The following LRRIQ1 variants were observed in gnomAD, a reference collection of about 807,000 sequenced individuals.
The protein encoded by LRRIQ1 is leucine-rich repeat- and IQ domain-containing protein 1.
Under a neutral mutation model 211.9 loss-of-function variants are expected in LRRIQ1, and 210 were observed. The ratio of observed to expected loss-of-function variants is 0.99; its 90% confidence interval spans 0.89 to 1.11. The LOEUF is 1.11. Among genes scored for constraint, LRRIQ1 ranks in the 50% most tolerant of loss-of-function variants. LRRIQ1 has a pLI of 0.00. For synonymous variants in LRRIQ1, 699 were observed against 650.1 expected (o/e 1.08, Z -1.14); for missense variants, 2,136 against 1,939.5 (o/e 1.10, Z -1.90).
chr12:85,204,139 G>T (rs1893427840), intron 24 of LRRIQ1, among the ~76,000 whole-genome samples: 1 of 152,176 alleles, frequency 6.6e-6, no homozygotes, highest in African/African-American at 2.4e-5. Flanking sequence ...CTCAGGCTGT[G>T]GCTTCAGATG....
chr12:85,239,848 C>A (rs1283365476), intron 26 of LRRIQ1, among the ~76,000 whole-genome samples: 1 of 151,802 alleles, frequency 6.6e-6, no homozygotes, highest in Admixed American at 6.6e-5. Flanking sequence ...CATGGTGGCA[C>A]GTGCCTGTAA....
chr12:85,064,909 A>G (rs972997232), intron 8 of LRRIQ1, among the ~76,000 whole-genome samples: 1 of 151,812 alleles, frequency 6.6e-6, no homozygotes, highest in African/African-American at 2.4e-5. Context: ...TGCCAGTACC[A>G]TGCTGTTTTG....
At chr12:85,198,623 AG>A (rs1279769912) in intron 24 of LRRIQ1, among the ~76,000 whole-genome samples, 2 of 150,684 alleles carry the variant, frequency 1.3e-5, no homozygotes, top group Admixed American at 1.3e-4. Context: ...GCTGGAGTGC[AG>A]TGGTGCTATC....
rs1895288884 is a variant in LRRIQ1 at position 85,238,325 on chromosome 12, G to A, written c.5016+5569G>A. On this transcript the variant is annotated intron_variant, in intron 26 of 26. Transcript: ENST00000393217. ...TTGACTTTCCGGAAGAGAGATTAGA[G>A]ATGAAAAAATATGTGAAAACTAATC... Among the ~76,000 whole-genome samples the A allele has an allele frequency of 2.0e-5, 3 of 151,852 alleles. No homozygotes were observed. The South Asian group carries it at 6.2e-4, about 32-fold the overall frequency.
intron 24 of LRRIQ1, among the ~76,000 whole-genome samples, chr12:85,219,401 C>T (rs1035570776): frequency 6.6e-6 from 1 of 151,888 alleles, no homozygotes; most frequent in African/African-American, 2.4e-5. Flanking sequence ...CTAGTAATTC[C>T]GTAATATCAA....
chr12:85,237,278 C>T (rs1241395056), intron 26 of LRRIQ1, among the ~76,000 whole-genome samples: 1 of 151,938 alleles, frequency 6.6e-6, no homozygotes, highest in Admixed American at 6.6e-5. Flanking sequence ...ACATGAGTTC[C>T]ACAGTCAACT....
rs759000874 is a variant in LRRIQ1 at position 85,106,536 on chromosome 12, A to G, written c.3298A>G (p.Ile1100Val). Residue 1100 changes from isoleucine (I) to valine (V), a missense_variant, in exon 15 of 27, where the codon ATA becomes GTA. Transcript: ENST00000393217. ...HNCLSDLKSAIKWFDACYSLH... is the reference protein window; with the variant it reads ...HNCLSDLKSAVKWFDACYSLH... ...ATTTTCTGTAGATCTTAAAAGTGCCATAAAATGGTTTGATGCATGCTATTC... is the reference window on the plus strand; with the variant it reads ...ATTTTCTGTAGATCTTAAAAGTGCCGTAAAATGGTTTGATGCATGCTATTC... 6.8e-6 allele frequency: 11 copies of G among 1,608,770 alleles called. No individual in the cohort carries two copies. Among genetic ancestry groups the G allele is most frequent in the Non-Finnish European group, 8.5e-6 (10 of 1,176,930 alleles).
At chr12:85,188,050 C>A (rs1719237281) in intron 24 of LRRIQ1, among the ~76,000 whole-genome samples, 1 of 151,782 alleles carries the variant, frequency 6.6e-6, no homozygotes, top group Non-Finnish European at 1.5e-5. Context: ...ACTAGAATGT[C>A]TTTATGCTGT....
chr12:85,056,009 A>G lies in LRRIQ1; in HGVS notation c.1216A>G (p.Asn406Asp). 2 of 1,607,794 alleles carry G rather than the reference A, an allele frequency of 1.2e-6. No homozygotes were observed. Among genetic ancestry groups the G allele is most frequent in the Non-Finnish European group, 8.5e-7 (1 of 1,177,976 alleles). The change falls in exon 8 of 27, where the codon AAT becomes GAT. Residue 406 changes from asparagine to aspartate, a missense_variant. By Grantham distance (23) the Asn-to-Asp change is conservative. Coordinates refer to ENST00000393217, the MANE Select transcript of LRRIQ1 (RefSeq NM_001079910.2). ...ISSALKKSGY[N>D]NKHLSLEDIS... ...TAGTGCATTAAAGAAGAGCGGATAT[A>G]ATAACAAACATTTAAGTCTTGAAGA...
intron 16 of LRRIQ1, 103 bp downstream of exon 16, chr12:85,121,979 A>G: frequency 1.0e-6 from 1 of 995,584 alleles, no homozygotes; most frequent in Non-Finnish European, 1.3e-6. Context: ...TTTTTGGATT[A>G]GAACAGTGTG....
chr12:85,069,336 A>G (rs1463305337), intron 10 of LRRIQ1, among the ~76,000 whole-genome samples: 1 of 152,044 alleles, frequency 6.6e-6, no homozygotes, highest in East Asian at 1.9e-4. Flanking sequence ...AATCCAGTCT[A>G]TCGTTGTTGT....
chr12:85,128,605 C>A (rs1369203950), intron 18 of LRRIQ1, among the ~76,000 whole-genome samples: 3 of 151,970 alleles, frequency 2.0e-5, no homozygotes, highest in Non-Finnish European at 4.4e-5. Flanking sequence ...TCTCAAAAAA[C>A]AACAACAACA....
At chr12:85,153,787 T>TA in intron 22 of LRRIQ1, 29 bp downstream of exon 22, 3 of 1,357,820 alleles carry the variant, frequency 2.2e-6, no homozygotes, top group Non-Finnish European at 3.0e-6. Context: ...ACTAATAAAT[T>TA]AAAAAATTGA....
At chr12:85,112,045 G>A (rs1158106066) in intron 15 of LRRIQ1, among the ~76,000 whole-genome samples, 1 of 151,602 alleles carries the variant, frequency 6.6e-6, no homozygotes, top group Admixed American at 6.6e-5. Context: ...CATTAGATAC[G>A]ACATGTTTGC....
At chr12:85,068,144 C>T (rs964878369) in intron 10 of LRRIQ1, among the ~76,000 whole-genome samples, 1 of 151,792 alleles carries the variant, frequency 6.6e-6, no homozygotes, top group Admixed American at 6.6e-5. Flanking sequence ...AATCGAGTAT[C>T]GCCAAAAAGT....
chr12:85,195,534 T>C (rs1416435412), intron 24 of LRRIQ1, among the ~76,000 whole-genome samples: 4 of 152,088 alleles, frequency 2.6e-5, no homozygotes, highest in Admixed American at 6.6e-5. Flanking sequence ...CCAAATCAAT[T>C]TAATGTAATC....
chr12:85,054,340 C>T (rs557055359), intron 7 of LRRIQ1, among the ~76,000 whole-genome samples: 1 of 152,232 alleles, frequency 6.6e-6, no homozygotes, highest in Non-Finnish European at 1.5e-5. Context: ...GGCAAAAAGA[C>T]ACACCACCTA....
chr12:85,248,165 A>G (rs549957819), downstream of LRRIQ1, among the ~76,000 whole-genome samples: 1 of 151,566 alleles, frequency 6.6e-6, no homozygotes, highest in Non-Finnish European at 1.5e-5. Context: ...TGTTAGAGCA[A>G]TTTATAGCTT....
chr12:85,257,114 A>G (rs1309209098), intron 1 of LRRIQ1, among the ~76,000 whole-genome samples: 1 of 51,266 alleles, frequency 2.0e-5, no homozygotes, highest in African/African-American at 7.0e-5. Flanking sequence ...AATATATATA[A>G]TTACATAATA....
Sources: allele counts gnomAD v4.1 joint callset (sites outside exome capture counted in the v4.1 genomes callset), GRCh38; gene constraint gnomAD v4.1.1; transcripts MANE v1.5; gene names NCBI Gene and HGNC (gene_info 2026-07-23, HGNC 2026-07-21).